Variants in ARHGAP6 observed in about 807,000 individuals in gnomAD.
ARHGAP6 encodes the protein Rho GTPase activating protein 6.
Under a neutral mutation model 55.7 loss-of-function variants are expected in ARHGAP6, and 16 were observed. The ratio of observed to expected loss-of-function variants is 0.29; its 90% CI spans 0.19 to 0.44. The LOEUF (loss-of-function observed/expected upper bound fraction) is 0.44. Among genes scored for constraint, ARHGAP6 ranks in the 20% least tolerant of loss-of-function variants. The probability of loss-of-function intolerance (pLI) is 1.00; values close to 1 mark genes in which losing one functional copy is unlikely to be tolerated. For synonymous variants in ARHGAP6, 382 were observed against 360.9 expected, an observed-to-expected ratio of 1.06 and a Z score of -0.66; for missense variants, 698 against 808.9, an observed-to-expected ratio of 0.86 and a Z score of 1.66.
At chrX:11,599,487 T>C (rs1367255936) in intron 1 of ARHGAP6, among the ~76,000 whole-genome samples, 1 of 112,027 alleles carries the variant, frequency 8.9e-6, no homozygotes, top group African/African-American at 3.2e-5. Context: ...TTCAAATTTC[T>C]GAAGAATCTC....
intron 1 of ARHGAP6, chrX:11,318,825 G>A (rs1013727646): frequency 8.9e-6 from 1 of 112,620 alleles, no homozygotes; most frequent in Non-Finnish European, 1.9e-5. Flanking sequence ...AGTCCCCAAA[G>A]CAATCAGATC....
At chrX:11,149,127 T>G (rs1253050454) in intron 10 of ARHGAP6, among the ~76,000 whole-genome samples, 1 of 112,048 alleles carries the variant, frequency 8.9e-6, no homozygotes, top group Admixed American at 9.4e-5. Context: ...TTCCCCTCAT[T>G]TTTAGTCCTT....
At chrX:11,381,122 A>G (rs1435308437) in intron 1 of ARHGAP6, among the ~76,000 whole-genome samples, 2 of 112,780 alleles carry the variant, frequency 1.8e-5, no homozygotes, top group Non-Finnish European at 3.8e-5. Context: ...GCAGCAGTCC[A>G]TAGCGGTTCC....
intron 9 of ARHGAP6, among the ~76,000 whole-genome samples, chrX:11,168,466 G>C (rs1457853057): frequency 8.9e-6 from 1 of 111,871 alleles, no homozygotes; most frequent in African/African-American, 3.3e-5. Flanking sequence ...CAATCACATA[G>C]GTAAGACACA....
At chrX:11,387,047 C>T (rs966947149) in intron 1 of ARHGAP6, among the ~76,000 whole-genome samples, 5 of 112,181 alleles carry the variant, frequency 4.5e-5, no homozygotes, top group African/African-American at 1.3e-4. Context: ...AAAGGAAAAA[C>T]ACTTGGAAAA....
chrX:11,474,690 T>C (rs1043509216), intron 1 of ARHGAP6, among the ~76,000 whole-genome samples: 4 of 111,695 alleles, frequency 3.6e-5, no homozygotes, highest in Non-Finnish European at 7.5e-5. Flanking sequence ...TTGCCCTCAC[T>C]AAATCTCATG....
At chrX:11,167,189 A>G (rs991737746) in intron 9 of ARHGAP6, among the ~76,000 whole-genome samples, 1 of 112,089 alleles carries the variant, frequency 8.9e-6, no homozygotes, top group Admixed American at 9.5e-5. Context: ...AAAGTACTAT[A>G]GATAGAAATG....
At chrX:11,582,302 C>T (rs887356872) in intron 1 of ARHGAP6, among the ~76,000 whole-genome samples, 10 of 111,089 alleles carry the variant, frequency 9.0e-5, no homozygotes, top group African/African-American at 3.3e-4. Context: ...AACTGTGAAC[C>T]GGTCAACACA....
At chrX:11,585,217 T>C (rs761227538) in intron 1 of ARHGAP6, among the ~76,000 whole-genome samples, 1 of 112,332 alleles carries the variant, frequency 8.9e-6, no homozygotes, top group Non-Finnish European at 1.9e-5. Flanking sequence ...ATCTTTGCTA[T>C]TGTGAATAGT....
chrX:11,188,455 GAA>G (rs1289125376), intron 4 of ARHGAP6, among the ~76,000 whole-genome samples: 2 of 111,760 alleles, frequency 1.8e-5, no homozygotes, highest in Non-Finnish European at 3.8e-5. Context: ...CAAGAGACCA[GAA>G]TTAATGGTGA....
intron 1 of ARHGAP6, among the ~76,000 whole-genome samples, chrX:11,312,389 C>T (rs1450562523): frequency 8.9e-6 from 1 of 111,802 alleles, no homozygotes; most frequent in African/African-American, 3.3e-5. Flanking sequence ...CAGCCCAAGC[C>T]ATTATACAAA....
At chrX:11,407,275 G>A (rs2049621823) in intron 1 of ARHGAP6, among the ~76,000 whole-genome samples, 1 of 111,887 alleles carries the variant, frequency 8.9e-6, no homozygotes, top group African/African-American at 3.3e-5. Flanking sequence ...CAGCTCAAGA[G>A]AGACTTAGCA....
At chrX:11,495,304 G>T (rs1256528622) in intron 1 of ARHGAP6, among the ~76,000 whole-genome samples, 1 of 111,444 alleles carries the variant, frequency 9.0e-6, no homozygotes, top group Non-Finnish European at 1.9e-5. Context: ...CCTACTGAGG[G>T]CAAAAATGCC....
At chrX:11,367,354 G>T (rs1231640759) in intron 1 of ARHGAP6, among the ~76,000 whole-genome samples, 3 of 111,670 alleles carry the variant, frequency 2.7e-5, no homozygotes, top group African/African-American at 9.8e-5. Context: ...TGAAGCTGGG[G>T]AAGAGTTAAC....
At chrX:11,471,044 T>C (rs2050341983) in intron 1 of ARHGAP6, among the ~76,000 whole-genome samples, 1 of 111,618 alleles carries the variant, frequency 9.0e-6, no homozygotes, top group Admixed American at 9.6e-5. Flanking sequence ...TCTGAAAGGT[T>C]TGGCCCACCA....
chrX:11,372,538 C>T (rs766357761), intron 1 of ARHGAP6, among the ~76,000 whole-genome samples: 1 of 109,445 alleles, frequency 9.1e-6, no homozygotes, highest in South Asian at 3.9e-4. Context: ...TTTGGGAGGC[C>T]GAGGAGGGTG....
intron 1 of ARHGAP6, among the ~76,000 whole-genome samples, chrX:11,453,310 T>C (rs1362809978): frequency 1.3e-4 from 13 of 99,002 alleles, no homozygotes; most frequent in African/African-American, 4.8e-4. Flanking sequence ...ATATATATAG[T>C]ATATATATAG....
At chrX:11,481,195 G>A (rs1450056809) in intron 1 of ARHGAP6, among the ~76,000 whole-genome samples, 1 of 110,776 alleles carries the variant, frequency 9.0e-6, no homozygotes, top group African/African-American at 3.3e-5. Flanking sequence ...TTCAGAATAG[G>A]GGCTACTGTG....
intron 1 of ARHGAP6, among the ~76,000 whole-genome samples, chrX:11,595,132 T>C (rs747824998): frequency 9.1e-6 from 1 of 109,547 alleles, no homozygotes; most frequent in Admixed American, 9.7e-5. Flanking sequence ...CTACCAAAGG[T>C]ACAAAAAATT....
Sources: allele counts gnomAD v4.1 joint callset (sites outside exome capture counted in the v4.1 genomes callset), GRCh38; gene constraint gnomAD v4.1.1; transcripts MANE v1.5; gene names NCBI Gene and HGNC (gene_info 2026-07-23, HGNC 2026-07-21).